The following CFAP53 variants were observed in gnomAD, a reference collection of about 807,000 sequenced individuals.
CFAP53 encodes cilia and flagella associated protein 53, also known as cilia- and flagella-associated protein 53.
Under a neutral mutation model 59.7 loss-of-function variants are expected in CFAP53, and 62 were observed. That is an observed-to-expected ratio of 1.04 (90% CI 0.85 to 1.28). The LOEUF (loss-of-function observed/expected upper bound fraction) is 1.28, where lower values mean the gene tolerates loss of function less well. Among genes scored for constraint, CFAP53 ranks in the 50% most tolerant of loss-of-function variants. The pLI, the probability that CFAP53 is intolerant of heterozygous loss-of-function variation, is 0.00. For missense variants in CFAP53, 629 were observed against 615.6 expected (o/e 1.02, Z -0.23); for synonymous variants, 218 against 205.7 (o/e 1.06, Z -0.51).
At chr18:50,261,802 A>G (rs566636681) in intron 2 of CFAP53, among the ~76,000 whole-genome samples, 188 bp downstream of exon 2, 20 of 152,350 alleles carry the variant, frequency 1.3e-4, no homozygotes, top group African/African-American at 4.6e-4. Context: ...ATGAAACAAT[A>G]TATTGTTTTT....
chr18:50,254,135 T>TA (rs1568157842), intron 3 of CFAP53, among the ~76,000 whole-genome samples: 1 of 120,906 alleles, frequency 8.3e-6, no homozygotes, highest in African/African-American at 3.4e-5. Flanking sequence ...AAAAAACCAT[T>TA]TAAAAAAAAA....
Position 50,259,155 on chromosome 18 carries a change from G to A in CFAP53, c.473+1909C>T, listed in dbSNP as rs74510218. Among the ~76,000 whole-genome samples the A allele has an allele frequency of 4.5e-4, 69 of 152,322 alleles. 1 individual carries two copies. In the East Asian group the frequency reaches 0.012, roughly 27 times the overall value. ...ATTGAAGAGATAGCTAAACTCCTAT[G>A]TTTGTTGTAGTGCTGTTTACAACAG... On this transcript the variant is annotated intron_variant, in intron 3 of 7. Transcript: ENST00000398545.
At chr18:50,263,721 A>G (rs2033914501) in intron 1 of CFAP53, among the ~76,000 whole-genome samples, 2 of 152,234 alleles carry the variant, frequency 1.3e-5, no homozygotes, top group South Asian at 4.1e-4. Flanking sequence ...TCCCAGTGTG[A>G]GCTGAGAACA....
intron 7 of CFAP53, among the ~76,000 whole-genome samples, chr18:50,235,663 CA>C (rs1292542596): frequency 2.6e-5 from 4 of 152,160 alleles, no homozygotes; most frequent in Non-Finnish European, 5.9e-5. Context: ...ACAACAATTT[CA>C]AACCAAAATG....
intron 5 of CFAP53, among the ~76,000 whole-genome samples, chr18:50,246,896 A>C (rs1020292985): frequency 1.3e-5 from 2 of 151,074 alleles, no homozygotes; most frequent in African/African-American, 4.9e-5. Flanking sequence ...AAATACAAAA[A>C]AATTAGCCAG....
At chr18:50,243,616 C>T (rs2033714042) in intron 5 of CFAP53, among the ~76,000 whole-genome samples, 2 of 152,190 alleles carry the variant, frequency 1.3e-5, no homozygotes, top group African/African-American at 4.8e-5. Context: ...CAGCAATTCT[C>T]AATCTTAGCT....
chr18:50,262,372 A>G (rs1458386900), intron 1 of CFAP53, among the ~76,000 whole-genome samples, 153 bp from the exon 2 acceptor site: 2 of 152,238 alleles, frequency 1.3e-5, no homozygotes, highest in Non-Finnish European at 2.9e-5. Flanking sequence ...TTATGCACCT[A>G]AAGAGTAACT....
At chr18:50,247,447 CT>C (rs2033755867) in intron 5 of CFAP53, among the ~76,000 whole-genome samples, 1 of 152,204 alleles carries the variant, frequency 6.6e-6, no homozygotes, top group Admixed American at 6.5e-5. Context: ...AGTAGTACTA[CT>C]TCTAGATACA....
rs1491291197 is a variant in CFAP53 at position 50,245,409 on chromosome 18, A to AT, written c.997-2294_997-2293insA. Among the ~76,000 whole-genome samples the AT allele has an allele frequency of 2.1e-5, 3 of 140,944 alleles. No individual in the cohort carries two copies. The Admixed American group carries it at 2.1e-4, about 10-fold the overall frequency. 92.5% of individuals were successfully genotyped at this position (140,944 alleles called of 152,430 possible). ...GTCTCAAAAAAAAAAAAAAAAAAAA[A>AT]CTAATAAACGAGTTTAGCAATGTTG... On this transcript the variant is annotated intron_variant, in intron 5 of 7. Transcript: ENST00000398545.
Position 50,227,416 on chromosome 18 carries a change from T to G in CFAP53, c.1510A>C (p.Met504Leu). The G allele has an allele frequency of 6.2e-7, 1 of 1,614,084 alleles. No homozygotes were observed. The highest frequency in any genetic ancestry group is 8.5e-7 in the Non-Finnish European group (1 of 1,179,932). Residue 504 changes from methionine (M) to leucine (L), a missense_variant, in exon 8 of 8, where the codon ATG (methionine) becomes CTG (leucine). Met to Leu is a conservative substitution (Grantham distance 15). Coordinates refer to ENST00000398545, the MANE Select transcript of CFAP53 (RefSeq NM_145020.5). Reference protein sequence around the residue: ...HQVLPQNIHPMRKACPSKLPP With the variant: ...HQVLPQNIHPLRKACPSKLPP ...AGCTTACTGGGGCATGCCTTGCGCA[T>G]GGGATGAATGTTTTGAGGCAGCACT...
rs80290697 is a variant in CFAP53 at position 50,242,677 on chromosome 18, T to C, written c.1213+223A>G. On this transcript the variant is annotated intron_variant, in intron 6 of 7. Coordinates refer to ENST00000398545, the MANE Select transcript of CFAP53 (RefSeq NM_145020.5). Reference sequence around the variant, plus strand: ...CATACAGTATTCAAATGATGTACTGTTCCTTTAACCTTGAGAACTTCTCCC... The same window carrying C: ...CATACAGTATTCAAATGATGTACTGCTCCTTTAACCTTGAGAACTTCTCCC... Among the ~76,000 whole-genome samples, 650 of 152,320 alleles carry C rather than the reference T, an allele frequency of 4.3e-3. 12 individuals carry two copies. Among genetic ancestry groups the C allele is most frequent in the Admixed American group, 0.029 (442 of 15,300 alleles).
chr18:50,243,182 A>T (rs1004667893), intron 5 of CFAP53, 66 bp from the exon 6 acceptor site: 57 of 1,026,516 alleles, frequency 5.6e-5, no homozygotes, highest in Non-Finnish European at 7.0e-5. Context: ...GGATACATTT[A>T]AAAAAAATCT....
intron 7 of CFAP53, among the ~76,000 whole-genome samples, chr18:50,237,329 A>AATATATATATATATATAT (rs1555671379): frequency 7.9e-4 from 5 of 6,340 alleles, no homozygotes; most frequent in Admixed American, 4.6e-3. Flanking sequence ...AAAAAAAAAA[A>AATATATATATATATATAT]ATATATATAT....
intron 1 of CFAP53, 51 bp from the exon 2 acceptor site, chr18:50,262,270 A>G: frequency 2.7e-6 from 4 of 1,461,132 alleles, no homozygotes; most frequent in South Asian, 1.1e-5. Context: ...AATCAACTGC[A>G]TATTTTCAAT....
chr18:50,239,646 G>C (rs1189557229), intron 6 of CFAP53, among the ~76,000 whole-genome samples: 1 of 152,066 alleles, frequency 6.6e-6, no homozygotes, highest in East Asian at 1.9e-4. Context: ...AGTAAAATAA[G>C]TTACGGTCTG....
chr18:50,251,599 G>A lies in CFAP53; in HGVS notation c.659C>T (p.Ala220Val), dbSNP rs746706445. 5.0e-6 allele frequency: 8 copies of A among 1,614,012 alleles called. No individual in the cohort carries two copies. The highest frequency in any genetic ancestry group is 5.9e-6 in the Non-Finnish European group (7 of 1,180,044). The change falls in exon 4 of 8, where the codon GCG (alanine) becomes GTG (valine). Residue 220 changes from alanine to valine, a missense_variant. Transcript: ENST00000398545. Reference protein sequence around the residue: ...LAKEKREAQEARRQKELMENT... With the variant: ...LAKEKREAQEVRRQKELMENT... ...CTCCATCAGCTCTTTCTGTCTCCTC[G>A]CCTCTTGGGCTTCTCGCTTTTCCTT... is the stretch of plus-strand genomic sequence containing the variant.
chr18:50,232,361 G>A (rs1307772114), intron 7 of CFAP53, among the ~76,000 whole-genome samples: 1 of 152,236 alleles, frequency 6.6e-6, no homozygotes, highest in Non-Finnish European at 1.5e-5. Flanking sequence ...ACAACTGACA[G>A]CAGAATAAGG....
At chr18:50,261,609 C>G (rs1328149212) in intron 2 of CFAP53, among the ~76,000 whole-genome samples, 1 of 152,022 alleles carries the variant, frequency 6.6e-6, no homozygotes, top group Non-Finnish European at 1.5e-5. Flanking sequence ...CCAGGCTGGT[C>G]TCAAACTCCT....
intron 7 of CFAP53, among the ~76,000 whole-genome samples, chr18:50,228,330 C>G (rs1050658708): frequency 1.3e-5 from 2 of 152,056 alleles, no homozygotes; most frequent in African/African-American, 4.8e-5. Context: ...GGGCCACATC[C>G]CCGCACAAGA....
Sources: gnomAD v4.1 joint callset for allele counts (sites outside exome capture counted in the v4.1 genomes callset) on GRCh38, gnomAD v4.1.1 for gene constraint, MANE v1.5 for transcripts, NCBI Gene and HGNC (gene_info 2026-07-23, HGNC 2026-07-21) for gene names.